FAM114A1: variants seen among roughly 807,000 people sequenced by gnomAD.
FAM114A1 encodes the protein family with sequence similarity 114 member A1.
FAM114A1 carries 62 observed loss-of-function variants against 64.3 expected under a neutral mutation model. That is an observed-to-expected ratio of 0.96 (90% confidence interval 0.79 to 1.19). The LOEUF is 1.19. Ranked by LOEUF, FAM114A1 falls within the 50% of genes most tolerant of loss-of-function variation. FAM114A1 has a pLI of 0.00. For synonymous variants in FAM114A1, 254 were observed against 251.1 expected, an observed-to-expected ratio of 1.01 and a Z score of -0.11; for missense variants, 645 against 676.3, an observed-to-expected ratio of 0.95 and a Z score of 0.51.
intron 12 of FAM114A1, among the ~76,000 whole-genome samples, chr4:38,933,703 G>A (rs960561401): frequency 1.3e-5 from 2 of 152,152 alleles, no homozygotes; most frequent in Non-Finnish European, 2.9e-5. Flanking sequence ...TTATGCACAT[G>A]ACTGTATACT....
rs1716039299 is a variant in FAM114A1, at chr4:38,888,586, G to A, written c.349-3157G>A. On this transcript the variant is annotated intron_variant, in intron 3 of 14. Coordinates refer to ENST00000358869, the MANE Select transcript of FAM114A1 (RefSeq NM_138389.4). ...CATTCTTTCTTAGTACCACACAAAG[G>A]TTTAGATGTTTAAATGATTTCCAGT... 1.3e-5 allele frequency among the ~76,000 whole-genome samples: 2 copies of A among 152,288 alleles called. 1 individual carries two copies. The highest frequency in any genetic ancestry group is 4.1e-4 in the South Asian group (2 of 4,828).
intron 4 of FAM114A1, among the ~76,000 whole-genome samples, 191 bp downstream of exon 4, chr4:38,892,021 A>G (rs1258722936): frequency 1.3e-5 from 2 of 152,216 alleles, no homozygotes; most frequent in Non-Finnish European, 2.9e-5. Flanking sequence ...ATATGGAGGA[A>G]CTGTTGTTTG....
At chr4:38,902,531 A>G (rs1387500038) in intron 4 of FAM114A1, among the ~76,000 whole-genome samples, 2 of 152,224 alleles carry the variant, frequency 1.3e-5, no homozygotes, top group African/African-American at 4.8e-5. Flanking sequence ...CCATTTGAGT[A>G]TAGATGGTAA....
chr4:38,874,440 A>G (rs986349165), intron 2 of FAM114A1, among the ~76,000 whole-genome samples: 7 of 152,138 alleles, frequency 4.6e-5, no homozygotes, highest in Admixed American at 2.0e-4. Flanking sequence ...ATTTTTTCAT[A>G]TGCTTGTTGG....
intron 4 of FAM114A1, among the ~76,000 whole-genome samples, chr4:38,897,959 GAAAGAAA>G (rs1172449440): frequency 1.3e-5 from 2 of 149,802 alleles, no homozygotes; most frequent in Non-Finnish European, 3.0e-5. Context: ...AAAAAAAAAA[GAAAGAAA>G]AAAGAAAAGA....
At chr4:38,930,301 T>C (rs552066917) in intron 10 of FAM114A1, among the ~76,000 whole-genome samples, 1 of 152,328 alleles carries the variant, frequency 6.6e-6, no homozygotes, top group African/African-American at 2.4e-5. Context: ...CTTTCTTTCT[T>C]CTTTTTAGCA....
chr4:38,896,471 A>C (rs1477080974), intron 4 of FAM114A1, among the ~76,000 whole-genome samples: 1 of 152,246 alleles, frequency 6.6e-6, no homozygotes, highest in Non-Finnish European at 1.5e-5. Context: ...AGGAGGCTGA[A>C]GTCATGGGTT....
chr4:38,920,539 G>A (rs1579378265), intron 8 of FAM114A1, among the ~76,000 whole-genome samples: 1 of 152,174 alleles, frequency 6.6e-6, no homozygotes, highest in Non-Finnish European at 1.5e-5. Context: ...ACAAAAGAGT[G>A]CTTCGCTAAA....
intron 6 of FAM114A1, 80 bp downstream of exon 6, chr4:38,905,941 G>C: frequency 8.1e-7 from 1 of 1,239,508 alleles, no homozygotes; most frequent in Non-Finnish European, 1.1e-6. Context: ...CAGTGACCTA[G>C]ATACATCAGA....
chr4:38,884,504 TG>T (rs1284868490), intron 3 of FAM114A1, among the ~76,000 whole-genome samples: 1 of 152,234 alleles, frequency 6.6e-6, no homozygotes, highest in South Asian at 2.1e-4. Context: ...TAAGCCAGTT[TG>T]GTTGGGCACA....
At position 38,869,713 on chromosome 4, in the gene FAM114A1, G is replaced by GTT. The variant is rs1264994656; in HGVS notation, c.-9+1171_-9+1172dup. On this transcript the variant is annotated intron_variant, in intron 2 of 14. Coordinates refer to ENST00000358869, the MANE Select transcript of FAM114A1 (RefSeq NM_138389.4). ...TCCTGGTCCTTCGCTGACTGGCACTGTTTTTGTTTTTTTTTTTTAACTGGG... is the reference window on the plus strand; with the variant it reads ...TCCTGGTCCTTCGCTGACTGGCACTGTTTTTTTGTTTTTTTTTTTTAACTGGG... Among the ~76,000 whole-genome samples, 63 of 150,538 alleles carry GTT rather than the reference G, an allele frequency of 4.2e-4. No homozygotes were observed. The South Asian group carries it at 5.3e-3, about 13-fold the overall frequency.
chr4:38,871,553 A>G (rs1560281383), intron 2 of FAM114A1, among the ~76,000 whole-genome samples: 3 of 152,204 alleles, frequency 2.0e-5, no homozygotes, highest in Non-Finnish European at 2.9e-5. Context: ...TTAACATCTT[A>G]CAGCTGAGTT....
chr4:38,872,802 A>G (rs1264816011), intron 2 of FAM114A1, among the ~76,000 whole-genome samples: 1 of 152,228 alleles, frequency 6.6e-6, no homozygotes, highest in Non-Finnish European at 1.5e-5. Context: ...GCAATGACTC[A>G]GCTCCGCTAT....
At chr4:38,879,859 T>A (rs1422790777) in intron 3 of FAM114A1, among the ~76,000 whole-genome samples, 1 of 151,920 alleles carries the variant, frequency 6.6e-6, no homozygotes, top group African/African-American at 2.4e-5. Flanking sequence ...TGGGGGAGAT[T>A]TAAAATGTAT....
At chr4:38,871,086 C>CTTTTTTTTTTTTTTTT (rs9306968) in intron 2 of FAM114A1, among the ~76,000 whole-genome samples, 1 of 94,032 alleles carries the variant, frequency 1.1e-5, no homozygotes, top group Admixed American at 1.3e-4. Flanking sequence ...TTTTTTCTTT[C>CTTTTTTTTTTTTTTTT]TTTTTTTTTT....
chr4:38,933,358 AG>A (rs1720820782), intron 12 of FAM114A1, among the ~76,000 whole-genome samples: 1 of 152,212 alleles, frequency 6.6e-6, no homozygotes, highest in South Asian at 2.1e-4. Flanking sequence ...GAATAGAGAA[AG>A]GACACTTTAA....
chr4:38,883,890 G>A lies in FAM114A1; in HGVS notation c.348+5464G>A, dbSNP rs563307456. Among the ~76,000 whole-genome samples the A allele has an allele frequency of 1.5e-3, 224 of 152,298 alleles. 2 individuals carry two copies. Among genetic ancestry groups the A allele is most frequent in the African/African-American group, 5.1e-3 (212 of 41,546 alleles). The stretch of plus-strand genomic sequence containing the variant: ...ACCAGGTGGATGGAGGTGCCATTCT[G>A]CCATAGAGAGCAGTGCTTCCCAGAT... On this transcript the variant is annotated intron_variant, in intron 3 of 14. Coordinates refer to ENST00000358869, the MANE Select transcript of FAM114A1 (RefSeq NM_138389.4).
rs1560303168 is a variant in FAM114A1, at chr4:38,900,224, T to TA, written c.437-5298_437-5297insA. Among the ~76,000 whole-genome samples the TA allele has an allele frequency of 6.2e-5, 7 of 112,300 alleles. No individual in the cohort carries two copies. In the East Asian group the frequency reaches 1.7e-3, roughly 27 times the overall value. The allele number at this position is 112,300 out of a possible 152,430, so 73.7% of individuals were successfully genotyped here. A position where few individuals can be genotyped will look rare whatever the true frequency, so the allele number is the denominator to read the frequency against. On this transcript the variant is annotated intron_variant, in intron 4 of 14. Coordinates refer to ENST00000358869, the MANE Select transcript of FAM114A1 (RefSeq NM_138389.4). Reference sequence around the variant, plus strand: ...TTTCAGTATAAGAATGACGATTATTTTAAAAAAAAAAAACAGAAAATAAGC... The same window carrying TA: ...TTTCAGTATAAGAATGACGATTATTTATAAAAAAAAAAAACAGAAAATAAGC...
chr4:38,916,464 TG>T (rs2109727665), intron 8 of FAM114A1, among the ~76,000 whole-genome samples: 1 of 152,282 alleles, frequency 6.6e-6, no homozygotes, highest in African/African-American at 2.4e-5. Context: ...CTATACACCG[TG>T]GAATACTATG....
Sources: gnomAD v4.1 joint callset for allele counts (sites outside exome capture counted in the v4.1 genomes callset) on GRCh38, gnomAD v4.1.1 for gene constraint, MANE v1.5 for transcripts, NCBI Gene and HGNC (gene_info 2026-07-23, HGNC 2026-07-21) for gene names.